Variants in ACBD5 observed in about 807,000 individuals in gnomAD.
The protein encoded by ACBD5 is acyl-CoA-binding domain-containing protein 5.
A neutral mutation model predicts 71.8 loss-of-function variants in ACBD5; 40 were observed. The observed-to-expected ratio is 0.56, with a 90% CI of 0.43 to 0.72. The LOEUF is 0.72. ACBD5 is among the 30% of genes least tolerant of loss of function. The probability of loss-of-function intolerance (pLI) is 0.00; values close to 1 mark genes in which losing one functional copy is unlikely to be tolerated. For synonymous variants in ACBD5, 229 were observed against 218.6 expected, an observed-to-expected ratio of 1.05 and a Z score of -0.42; for missense variants, 559 against 644.5, an observed-to-expected ratio of 0.87 and a Z score of 1.44.
intron 13 of ACBD5, among the ~76,000 whole-genome samples, chr10:27,187,426 T>G (rs771318168): frequency 3.9e-5 from 6 of 152,202 alleles, no homozygotes; most frequent in Non-Finnish European, 7.3e-5. Context: ...TAATTTCTAT[T>G]GGTGCGTAGT....
At chr10:27,225,312 T>C (rs1489025845) in intron 4 of ACBD5, among the ~76,000 whole-genome samples, 2 of 152,170 alleles carry the variant, frequency 1.3e-5, no homozygotes, top group Admixed American at 1.3e-4. Context: ...TCAAACAACA[T>C]GCTTTTATTC....
At chr10:27,185,789 A>G (rs1045934443) in intron 13 of ACBD5, among the ~76,000 whole-genome samples, 3 of 150,184 alleles carry the variant, frequency 2.0e-5, no homozygotes, top group African/African-American at 7.4e-5. Context: ...TCCATTTCAA[A>G]AAAAAAAAAA....
At chr10:27,193,526 A>C (rs1430485894), downstream of ACBD5, 1 of 152,236 alleles carries the variant, frequency 6.6e-6, no homozygotes, top group African/African-American at 2.4e-5. Flanking sequence ...ACAAAAATAT[A>C]ACTATGAGAG....
At position 27,195,549 on chromosome 10, in the gene ACBD5, C is replaced by T. The variant is rs1260612727; in HGVS notation, c.*1881G>A. ...GAGAAAAGACACTTTTTACTGATACCAAATTGATATCTCATTTTTGAAAAT... is the reference window on the plus strand; with the variant it reads ...GAGAAAAGACACTTTTTACTGATACTAAATTGATATCTCATTTTTGAAAAT... On this transcript the variant is annotated 3_prime_UTR_variant, in exon 13 of 13. Coordinates refer to ENST00000396271, the MANE Select transcript of ACBD5 (RefSeq NM_145698.5). 1.1e-5 allele frequency: 5 copies of T among 451,134 alleles called. No homozygotes were observed. The highest frequency in any genetic ancestry group is 2.2e-5 in the Non-Finnish European group (5 of 225,920). The allele number at this position is 451,134 out of a possible 1,614,324, so 27.9% of individuals were successfully genotyped here.
At chr10:27,191,196 C>G (rs935528247), downstream of ACBD5, among the ~76,000 whole-genome samples, 3 of 151,946 alleles carry the variant, frequency 2.0e-5, no homozygotes, top group Admixed American at 2.0e-4. Flanking sequence ...CTGGAAGAAG[C>G]CAGTCTGACA....
At chr10:27,219,197 G>A (rs1378335553) in intron 6 of ACBD5, among the ~76,000 whole-genome samples, 1 of 152,022 alleles carries the variant, frequency 6.6e-6, no homozygotes, top group East Asian at 1.9e-4. Context: ...AGCTAATTGC[G>A]AGGCTGAGGC....
At position 27,186,668 on chromosome 10, in the gene ACBD5, G is replaced by T. The variant is rs570707157; in HGVS notation, c.1494-3953C>A. 5.9e-6 allele frequency: 5 copies of T among 851,130 alleles called. No individual in the cohort carries two copies. In the East Asian group the frequency reaches 1.2e-4, roughly 21 times the overall value. 52.7% of individuals were successfully genotyped at this position (851,130 alleles called of 1,614,324 possible). A position where few individuals can be genotyped will look rare whatever the true frequency, so the allele number is the denominator to read the frequency against. ...CTAGTTCAATGTGCTTTTAATGTACGTTACAGCTTTCACAGAGTTAAAAGG... is the reference window on the plus strand; with the variant it reads ...CTAGTTCAATGTGCTTTTAATGTACTTTACAGCTTTCACAGAGTTAAAAGG... On this transcript the variant is annotated intron_variant, in intron 13 of 13. Coordinates refer to the ACBD5 transcript ENST00000676511.
intron 13 of ACBD5, chr10:27,186,411 G>T (rs753160729): frequency 4.3e-6 from 7 of 1,613,968 alleles, no homozygotes; most frequent in Non-Finnish European, 4.2e-6. Context: ...CAGTGATGTG[G>T]ACTGGGAAAA....
intron 3 of ACBD5, 130 bp from the exon 4 acceptor site, chr10:27,231,950 T>C: frequency 1.2e-6 from 1 of 835,270 alleles, no homozygotes; most frequent in East Asian, 2.6e-5. Flanking sequence ...CAGGATTGTC[T>C]TAAATGTGCT....
At chr10:27,241,729 A>T (rs574612525), upstream of ACBD5, among the ~76,000 whole-genome samples, 9 of 152,246 alleles carry the variant, frequency 5.9e-5, no homozygotes, top group South Asian at 4.1e-4. Context: ...TTAAAAAAAA[A>T]AATAAAAATA....
chr10:27,227,949 G>A (rs1227555369), intron 4 of ACBD5, among the ~76,000 whole-genome samples: 1 of 151,824 alleles, frequency 6.6e-6, no homozygotes, highest in Admixed American at 6.6e-5. Context: ...CTTACCTCAG[G>A]TGATCCGCCT....
chr10:27,195,930 C>T lies in ACBD5; in HGVS notation c.*1500G>A. 2.2e-6 allele frequency: 1 copy of T among 451,864 alleles called. No homozygotes were observed. The highest frequency in any genetic ancestry group is 2.4e-5 in the Admixed American group (1 of 42,084). 28.0% of individuals were successfully genotyped at this position (451,864 alleles called of 1,614,324 possible). A position where few individuals can be genotyped will look rare whatever the true frequency, so the allele number is the denominator to read the frequency against. ...AAAATTATTTGCTACAGGCCAGGTGCAGTGGCTCACGCCTCTAATCCCAGC... is the reference window on the plus strand; with the variant it reads ...AAAATTATTTGCTACAGGCCAGGTGTAGTGGCTCACGCCTCTAATCCCAGC... On this transcript the variant is annotated 3_prime_UTR_variant, in exon 13 of 13. Coordinates refer to ENST00000396271, the MANE Select transcript of ACBD5 (RefSeq NM_145698.5).
intron 10 of ACBD5, among the ~76,000 whole-genome samples, chr10:27,207,986 C>T (rs1244538557): frequency 1.3e-5 from 2 of 152,266 alleles, no homozygotes; most frequent in South Asian, 2.1e-4. Flanking sequence ...CCACCCACCT[C>T]GGCCTCCCAA....
intron 12 of ACBD5, among the ~76,000 whole-genome samples, chr10:27,203,052 C>T (rs1356122164): frequency 1.5e-5 from 2 of 130,026 alleles, no homozygotes; most frequent in African/African-American, 5.9e-5. Flanking sequence ...TGACTCAGGG[C>T]AGCCTCAACC....
At chr10:27,191,532 G>C (rs1290998866), downstream of ACBD5, among the ~76,000 whole-genome samples, 1 of 151,944 alleles carries the variant, frequency 6.6e-6, no homozygotes, top group African/African-American at 2.4e-5. Flanking sequence ...GGGAGAGGAG[G>C]GTAGAATATG....
chr10:27,240,962 G>A, upstream of ACBD5: 2 of 592,822 alleles, frequency 3.4e-6, no homozygotes, highest in South Asian at 4.0e-5. This position sits in a 1 kb window ranked among gnomAD's most constrained non-coding sequence, Gnocchi z 4.1. Flanking sequence ...GGGAAGCGGG[G>A]AAAGGGGGCC....
At chr10:27,241,306 C>T (rs1213673426), upstream of ACBD5, among the ~76,000 whole-genome samples, 1 of 152,240 alleles carries the variant, frequency 6.6e-6, no homozygotes, top group African/African-American at 2.4e-5. Flanking sequence ...GTCACTTAGC[C>T]TTTCCAGTGG....
chr10:27,211,012 T>C lies in ACBD5; in HGVS notation c.1006A>G (p.Met336Val). 6.2e-7 allele frequency: 1 copy of C among 1,614,188 alleles called. No individual in the cohort carries two copies. The highest frequency in any genetic ancestry group is 8.5e-7 in the Non-Finnish European group (1 of 1,180,040). The stretch of plus-strand genomic sequence containing the variant: ...TCTTCACGAAATCCAGAATTTTCCA[T>C]GGGTTGACTGGAATGACCACCCAAG... ...YYLGGHSSQP[M>V]ENSGFREDIQ... The change falls in exon 9 of 13, where the codon ATG (methionine) becomes GTG (valine). Residue 336 changes from methionine to valine, a missense_variant. Coordinates refer to ENST00000396271, the MANE Select transcript of ACBD5 (RefSeq NM_145698.5).
intron 4 of ACBD5, among the ~76,000 whole-genome samples, chr10:27,225,521 T>C (rs1589263248): frequency 1.3e-5 from 2 of 152,212 alleles, no homozygotes; most frequent in South Asian, 2.1e-4. Flanking sequence ...TAGTAAATTA[T>C]CTGATTGCTG....
Sources: allele counts gnomAD v4.1 joint callset (sites outside exome capture counted in the v4.1 genomes callset), GRCh38; gene constraint gnomAD v4.1.1; non-coding constraint Gnocchi (gnomAD v3.1); transcripts MANE v1.5; gene names NCBI Gene and HGNC (gene_info 2026-07-23, HGNC 2026-07-21).